Variants in WFDC3 observed in about 807,000 individuals in gnomAD.
The protein encoded by WFDC3 is WAP four-disulfide core domain protein 3.
WFDC3 carries 15 observed loss-of-function variants against 25.8 expected under a neutral mutation model. The ratio of observed to expected loss-of-function variants is 0.58; its 90% CI spans 0.39 to 0.89. The LOEUF (loss-of-function observed/expected upper bound fraction) is 0.89, where lower values mean the gene tolerates loss of function less well. Among genes scored for constraint, WFDC3 ranks in the 40% least tolerant of loss-of-function variants. The pLI, the probability that WFDC3 is intolerant of heterozygous loss-of-function variation, is 0.00. For synonymous variants in WFDC3, 103 were observed against 107.1 expected (o/e 0.96, Z 0.24); for missense variants, 264 against 289.8 (o/e 0.91, Z 0.65).
chr20:45,781,083 T>TAAAAAAAAA (rs1436448991), intron 4 of WFDC3, among the ~76,000 whole-genome samples: 1 of 67,746 alleles, frequency 1.5e-5, no homozygotes. Flanking sequence ...CTACTAAAAA[T>TAAAAAAAAA]ACAAAAAAAA....
intron 3 of WFDC3, chr20:45,788,676 C>G: frequency 2.6e-6 from 1 of 383,622 alleles, no homozygotes. Context: ...ACTCTTCCCT[C>G]CAGCCTTCAC....
intron 3 of WFDC3, chr20:45,788,722 T>C: frequency 1.8e-6 from 1 of 545,472 alleles, no homozygotes; most frequent in South Asian, 3.1e-5. Context: ...ACATAGATAA[T>C]CAATGGTGCG....
intron 6 of WFDC3, among the ~76,000 whole-genome samples, chr20:45,774,937 C>G (rs1375235688): frequency 3.0e-5 from 3 of 99,122 alleles, no homozygotes; most frequent in Non-Finnish European, 6.4e-5. Context: ...AGTGAAACTC[C>G]ATCTCAAAAA....
chr20:45,783,300 G>A (rs1980529722), intron 4 of WFDC3, among the ~76,000 whole-genome samples: 1 of 152,078 alleles, frequency 6.6e-6, no homozygotes, highest in Non-Finnish European at 1.5e-5. Context: ...TATCTGGCAG[G>A]TTTACTGCAG....
At chr20:45,775,382 G>A in intron 6 of WFDC3, 35 bp downstream of exon 6, 1 of 1,603,904 alleles carries the variant, frequency 6.2e-7, no homozygotes, top group Non-Finnish European at 8.5e-7. Context: ...CATAGCAGTT[G>A]TCTGTTATTG....
At chr20:45,789,194 A>G in intron 2 of WFDC3, 135 bp from the exon 3 acceptor site, 1 of 1,200,694 alleles carries the variant, frequency 8.3e-7, no homozygotes. Context: ...ACAGAATGAG[A>G]CCCTGTCTCT....
At position 45,777,172 on chromosome 20, in the gene WFDC3, C is replaced by T. The variant is rs770953832; in HGVS notation, c.396G>A (p.Pro132=). ...FGGECPADPL[P]CEELCDGDAS... ...CATCCCCATCACACAGCTCCTCACA[C>T]GGAAGGGGGTCAGCGGGACATTCAC... The change falls in exon 5 of 7, where the codon CCG becomes CCA. Residue 132 remains proline (P), a synonymous_variant. Coordinates refer to ENST00000243938, the MANE Select transcript of WFDC3 (RefSeq NM_080614.2). The T allele has an allele frequency of 3.6e-5, 57 of 1,595,784 alleles. No individual in the cohort carries two copies. Among genetic ancestry groups the T allele is most frequent in the South Asian group, 1.1e-4 (10 of 88,906 alleles).
chr20:45,791,861 A>G lies in WFDC3; in HGVS notation c.-37T>C, dbSNP rs1045352204. The G allele has an allele frequency of 1.4e-5, 7 of 501,052 alleles. No individual in the cohort carries two copies. Among genetic ancestry groups the G allele is most frequent in the African/African-American group, 1.2e-4 (6 of 50,560 alleles). The allele number at this position is 501,052 out of a possible 1,614,324, so 31.0% of individuals were successfully genotyped here. ...CCTCTAAGTGTAACTGTCCTGGGCG[A>G]GGCGCGGCGGTTCGGTTCCCATGGT... On this transcript the variant is annotated 5_prime_UTR_variant, in exon 1 of 7. Coordinates refer to ENST00000243938, the MANE Select transcript of WFDC3 (RefSeq NM_080614.2).
At chr20:45,788,761 G>C in intron 3 of WFDC3, 170 bp downstream of exon 3, 4 of 838,870 alleles carry the variant, frequency 4.8e-6, no homozygotes, top group Non-Finnish European at 7.1e-6. Flanking sequence ...CAAACAACTG[G>C]GGGCACTGAA....
At chr20:45,787,294 T>C (rs1297921296) in intron 4 of WFDC3, among the ~76,000 whole-genome samples, 1 of 118,820 alleles carries the variant, frequency 8.4e-6, no homozygotes, top group East Asian at 2.3e-4. Flanking sequence ...TTTTTTTTTT[T>C]TTTTTTTTTT....
intron 2 of WFDC3, 132 bp downstream of exon 2, chr20:45,789,762 C>T (rs947095779): frequency 1.4e-5 from 10 of 721,754 alleles, no homozygotes; most frequent in Non-Finnish European, 2.1e-5. Flanking sequence ...TCTATTCATC[C>T]AGTCCTGTCC....
chr20:45,786,830 C>T (rs1980686945), intron 4 of WFDC3, among the ~76,000 whole-genome samples: 4 of 152,012 alleles, frequency 2.6e-5, no homozygotes, highest in Admixed American at 2.6e-4. Context: ...CATGGTGGCT[C>T]ACGCCTGTAA....
intron 5 of WFDC3, among the ~76,000 whole-genome samples, chr20:45,776,343 C>G (rs57894159): frequency 8.0e-6 from 1 of 124,906 alleles, no homozygotes; most frequent in Admixed American, 8.6e-5. Flanking sequence ...CGTGGTGGCT[C>G]ACGCCTGTAA....
Position 45,776,513 on chromosome 20 carries a change from G to A in WFDC3, c.493+562C>T, listed in dbSNP as rs537615007. 3.3e-3 allele frequency among the ~76,000 whole-genome samples: 480 copies of A among 146,426 alleles called. 5 individuals are homozygous for A. The highest frequency in any genetic ancestry group is 0.012 in the African/African-American group (462 of 39,460). On this transcript the variant is annotated intron_variant, in intron 5 of 6. Coordinates refer to ENST00000243938, the MANE Select transcript of WFDC3 (RefSeq NM_080614.2). ...CCCAGCTACTCAGGAGGCTGAGGCA[G>A]AAGAAACCCCAGAGGCAGAGGTTTC...
At chr20:45,779,121 C>T (rs1980326665) in intron 4 of WFDC3, among the ~76,000 whole-genome samples, 1 of 152,226 alleles carries the variant, frequency 6.6e-6, no homozygotes, top group Non-Finnish European at 1.5e-5. Context: ...TTCTACTACA[C>T]TATCCTTAAA....
At chr20:45,788,493 C>T (rs1601018516) in intron 3 of WFDC3, 1 of 160,582 alleles carries the variant, frequency 6.2e-6, no homozygotes, top group Admixed American at 6.4e-5. Context: ...TGACGTTTAC[C>T]TTGTGCCATG....
intron 4 of WFDC3, 150 bp downstream of exon 4, chr20:45,787,686 G>C (rs1282407766): frequency 9.1e-7 from 1 of 1,099,360 alleles, no homozygotes; most frequent in African/African-American, 1.7e-5. Flanking sequence ...TACCACAAAT[G>C]ATTATGGCTT....
Position 45,789,969 on chromosome 20 carries a change from ACAT to A in WFDC3, c.4_6del (p.Met2del), listed in dbSNP as rs771325339. The A allele has an allele frequency of 1.9e-6, 3 of 1,614,134 alleles. No individual in the cohort carries two copies. The South Asian group carries it at 3.3e-5, about 18-fold the overall frequency. ...GCCTTCAGAAGAAAGAGGCAGCTTA[ACAT>A]CATGATGATGCTGAGAGTTGGGACA... On this transcript the variant is annotated inframe_deletion, in exon 2 of 7. Transcript: ENST00000243938.
intron 4 of WFDC3, among the ~76,000 whole-genome samples, 179 bp from the exon 5 acceptor site, chr20:45,777,388 T>C (rs1980241013): frequency 6.6e-6 from 1 of 152,242 alleles, no homozygotes; most frequent in African/African-American, 2.4e-5. Flanking sequence ...TCTCACTGTG[T>C]TGCCCAGGCC....
Sources: gnomAD v4.1 joint callset for allele counts (sites outside exome capture counted in the v4.1 genomes callset) on GRCh38, gnomAD v4.1.1 for gene constraint, MANE v1.5 for transcripts, NCBI Gene and HGNC (gene_info 2026-07-23, HGNC 2026-07-21) for gene names.